Variants in FOXQ1 observed in about 807,000 individuals in gnomAD.
The protein encoded by FOXQ1 is forkhead box protein Q1.
Under a neutral mutation model 0.6 loss-of-function variants are expected in FOXQ1, and 1 was observed. The observed-to-expected ratio is 1.73, with a 90% confidence interval of 0.61 to 8.20. The LOEUF is 8.20. FOXQ1 is among the 30% of genes most tolerant of loss of function. FOXQ1 has a pLI of 0.13. For missense variants in FOXQ1, 734 were observed against 595.6 expected, an observed-to-expected ratio of 1.23 and a Z score of -2.42; for synonymous variants, 377 against 294.4, an observed-to-expected ratio of 1.28 and a Z score of -2.87.
chr6:1,313,066 C>G lies in FOXQ1; in HGVS notation c.362C>G (p.Pro121Arg), dbSNP rs373880105. Residue 121 changes from proline to arginine, a missense_variant, in exon 1 of 1, where the codon CCC (proline) becomes CGC (arginine). By Grantham distance (103) the Pro-to-Arg change is moderately radical. Transcript: ENST00000296839. This position sits in a 1 kb window ranked among gnomAD's most constrained non-coding sequence, Gnocchi z 5.2. ...SKPYTRRPKPPYSYIALIAMA... is the reference protein window; with the variant it reads ...SKPYTRRPKPRYSYIALIAMA... ...CCATATACGCGGCGGCCCAAGCCCC[C>G]CTACTCGTACATCGCGCTCATCGCC... is the stretch of plus-strand genomic sequence containing the variant. 154 of 1,603,738 alleles carry G rather than the reference C, an allele frequency of 9.6e-5. No homozygotes were observed. The highest frequency in any genetic ancestry group is 1.3e-4 in the Non-Finnish European group (151 of 1,175,428).
chr6:1,312,879 G>C lies in FOXQ1; in HGVS notation c.175G>C (p.Asp59His). The C allele has an allele frequency of 7.8e-7, 1 of 1,279,784 alleles. No homozygotes were observed. The highest frequency in any genetic ancestry group is 9.8e-7 in the Non-Finnish European group (1 of 1,016,186). 79.3% of individuals were successfully genotyped at this position (1,279,784 alleles called of 1,614,324 possible). ...NSPAAGGGAR[D>H]TQGDGEQSAG... ...CCCGGCCGCGGGCGGCGGCGCCAGA[G>C]ATACGCAGGGCGACGGCGAACAGAG... The change falls in exon 1 of 1, where the codon GAT becomes CAT. Residue 59 changes from aspartate to histidine, a missense_variant. Coordinates refer to ENST00000296839, the MANE Select transcript of FOXQ1 (RefSeq NM_033260.4).
chr6:1,313,704 C>A lies in FOXQ1; in HGVS notation c.1000C>A (p.Leu334Met). 1 of 1,064,650 alleles carries A rather than the reference C, an allele frequency of 9.4e-7. No homozygotes were observed. The highest frequency in any genetic ancestry group is 4.4e-5 in the South Asian group (1 of 22,898). 66.0% of individuals were successfully genotyped at this position (1,064,650 alleles called of 1,614,324 possible). ...CAYGAGEPAR[L>M]GAREAEVPPT... ...GTACGGCGCGGGCGAGCCGGCGCGG[C>A]TGGGCGCGCGCGAGGCCGAGGTGCC... Residue 334 changes from leucine to methionine, a missense_variant, in exon 1 of 1, where the codon CTG becomes ATG. Physicochemically the swap from Leu to Met is conservative, Grantham distance 15. Transcript: ENST00000296839. The surrounding 1 kb of genome is among the most constrained non-coding windows in gnomAD (Gnocchi z 5.2).
In FOXQ1 at chr6:1,313,649, GC is replaced by G; in HGVS notation, c.948del (p.Cys317AlafsTer86). 9.6e-7 allele frequency: 1 copy of G among 1,046,980 alleles called. No individual in the cohort carries two copies. Among genetic ancestry groups the G allele is most frequent in the African/African-American group, 1.7e-5 (1 of 57,860 alleles). The allele number at this position is 1,046,980 out of a possible 1,614,324, so 64.9% of individuals were successfully genotyped here. On this transcript the variant is annotated frameshift_variant, in exon 1 of 1. Coordinates refer to ENST00000296839, the MANE Select transcript of FOXQ1 (RefSeq NM_033260.4). LOFTEE classifies it low-confidence loss of function (END_TRUNC). The surrounding 1 kb of genome is among the most constrained non-coding windows in gnomAD (Gnocchi z 5.2). Reference sequence around the variant, plus strand: ...CGTTCCCCGCGCTCCTCCCCGCGGCGCCCTGCAGGGCCCTGCTGCCGCTCTG... The same window carrying G: ...CGTTCCCCGCGCTCCTCCCCGCGGCGCCTGCAGGGCCCTGCTGCCGCTCTG... Reference protein sequence around the residue: ...PAFPALLPAAPCRALLPLCAY... With the variant: ...PAFPALLPAAXCRALLPLCAY...
In FOXQ1 at chr6:1,312,245, A is replaced by T. The variant is rs985777583; in HGVS notation, c.-460A>T. Among the ~76,000 whole-genome samples the T allele has an allele frequency of 2.6e-5, 4 of 152,198 alleles. No homozygotes were observed. Among genetic ancestry groups the T allele is most frequent in the African/African-American group, 9.6e-5 (4 of 41,464 alleles). On this transcript the variant is annotated 5_prime_UTR_variant, in exon 1 of 1. Transcript: ENST00000296839. ...GACCTTCCCCCACGGTGGCACGCAC[A>T]TCATCCGGCACCATTTCCGTGCCCC...
chr6:1,313,184 C>T lies in FOXQ1; in HGVS notation c.480C>T (p.Tyr160=). 6 of 1,610,240 alleles carry T rather than the reference C, an allele frequency of 3.7e-6. No individual in the cohort carries two copies. The highest frequency in any genetic ancestry group is 5.1e-6 in the Non-Finnish European group (6 of 1,178,736). The stretch of plus-strand genomic sequence containing the variant: ...AGTTCCCCTTTTTCCGCGGCAGCTA[C>T]ACGGGCTGGCGCAACTCCGTGCGCC... ...MGKFPFFRGS[Y]TGWRNSVRHN... is the part of the protein sequence containing the mutation. The change falls in exon 1 of 1, where the codon TAC becomes TAT. Residue 160 remains tyrosine (Y), a synonymous_variant. Coordinates refer to ENST00000296839, the MANE Select transcript of FOXQ1 (RefSeq NM_033260.4). This position sits in a 1 kb window ranked among gnomAD's most constrained non-coding sequence, Gnocchi z 5.2.
chr6:1,313,444 C>T lies in FOXQ1; in HGVS notation c.740C>T (p.Ala247Val), dbSNP rs779031088. 6 of 1,024,092 alleles carry T rather than the reference C, an allele frequency of 5.9e-6. No individual in the cohort carries two copies. In the South Asian group the frequency reaches 1.2e-4, roughly 21 times the overall value. The allele number at this position is 1,024,092 out of a possible 1,614,324, so 63.4% of individuals were successfully genotyped here. The change falls in exon 1 of 1, where the codon GCC becomes GTC. Residue 247 changes from alanine (A) to valine (V), a missense_variant. Ala to Val is a moderately conservative substitution (Grantham distance 64). Transcript: ENST00000296839. The surrounding 1 kb of genome is among the most constrained non-coding windows in gnomAD (Gnocchi z 5.2). ...CCGCCGCCCGCGCCCGCCGCCCCGG[C>T]CTCGCCCCGCATGCGCTCGCCCGCC... ...AAPPPAPAAP[A>V]SPRMRSPARQ...
In FOXQ1 at chr6:1,314,592, AGTT is replaced by A. The variant is rs1201083602; in HGVS notation, c.*678_*680del. On this transcript the variant is annotated 3_prime_UTR_variant, in exon 1 of 1. Transcript: ENST00000296839. Reference sequence around the variant, plus strand: ...GGCCAAGCAATTTCTTTAAAGGAAAAGTTGATTATGTATGTGGGGTGCCAGGAC... The same window carrying A: ...GGCCAAGCAATTTCTTTAAAGGAAAAGATTATGTATGTGGGGTGCCAGGAC... The A allele has an allele frequency of 6.0e-6, 1 of 166,922 alleles. No individual in the cohort carries two copies. Among genetic ancestry groups the A allele is most frequent in the Non-Finnish European group, 1.5e-5 (1 of 68,118 alleles). 10.3% of individuals were successfully genotyped at this position (166,922 alleles called of 1,614,324 possible).
In FOXQ1 at chr6:1,313,892, C is replaced by G. The variant is rs1757597627; in HGVS notation, c.1188C>G (p.Tyr396Ter). 1.1e-5 allele frequency: 15 copies of G among 1,312,704 alleles called. No individual in the cohort carries two copies. The highest frequency in any genetic ancestry group is 1.3e-5 in the Non-Finnish European group (13 of 1,036,360). 81.3% of individuals were successfully genotyped at this position (1,312,704 alleles called of 1,614,324 possible). ...GCCGCCCTGGCCCGCACCTGCCGTA[C>G]CCGGTGGAGACGCTCCTAGCCTGAG... ...SVRRPGPHLP[Y>*]PVETLLA Residue 396 changes from tyrosine (Y) to a stop codon, truncating the protein, a stop_gained, in exon 1 of 1, where the codon TAC (tyrosine) becomes TAG (stop). Coordinates refer to ENST00000296839, the MANE Select transcript of FOXQ1 (RefSeq NM_033260.4). LOFTEE classifies it high-confidence loss of function. This position sits in a 1 kb window ranked among gnomAD's most constrained non-coding sequence, Gnocchi z 5.2.
rs1389868179 is a variant in FOXQ1 at position 1,313,441 on chromosome 6, C to G, written c.737C>G (p.Pro246Arg). Residue 246 changes from proline to arginine, a missense_variant, in exon 1 of 1, where the codon CCG (proline) becomes CGG (arginine). Coordinates refer to ENST00000296839, the MANE Select transcript of FOXQ1 (RefSeq NM_033260.4). The surrounding 1 kb of genome is among the most constrained non-coding windows in gnomAD (Gnocchi z 5.2). Reference sequence around the variant, plus strand: ...GCCCCGCCGCCCGCGCCCGCCGCCCCGGCCTCGCCCCGCATGCGCTCGCCC... The same window carrying G: ...GCCCCGCCGCCCGCGCCCGCCGCCCGGGCCTCGCCCCGCATGCGCTCGCCC... ...PAAPPPAPAA[P>R]ASPRMRSPAR... 9.9e-7 allele frequency: 1 copy of G among 1,007,726 alleles called. No individual in the cohort carries two copies. Among genetic ancestry groups the G allele is most frequent in the Non-Finnish European group, 1.2e-6 (1 of 848,048 alleles). 62.4% of individuals were successfully genotyped at this position (1,007,726 alleles called of 1,614,324 possible).
rs1757589569 is a variant in FOXQ1, at chr6:1,313,622, C to G, written c.918C>G (p.Pro306=). Residue 306 remains proline, a synonymous_variant, in exon 1 of 1, where the codon CCC becomes CCG. Coordinates refer to ENST00000296839, the MANE Select transcript of FOXQ1 (RefSeq NM_033260.4). This position sits in a 1 kb window ranked among gnomAD's most constrained non-coding sequence, Gnocchi z 5.2. ...GCGCCGCGCCCTGCCCGCCGCTGCCCGCGTTCCCCGCGCTCCTCCCCGCGG... is the reference window on the plus strand; with the variant it reads ...GCGCCGCGCCCTGCCCGCCGCTGCCGGCGTTCCCCGCGCTCCTCCCCGCGG... ...QWGAAPCPPL[P]AFPALLPAAP... 1 of 1,101,430 alleles carries G rather than the reference C, an allele frequency of 9.1e-7. No individual in the cohort carries two copies. The highest frequency in any genetic ancestry group is 1.1e-6 in the Non-Finnish European group (1 of 902,690). 68.2% of individuals were successfully genotyped at this position (1,101,430 alleles called of 1,614,324 possible).
Position 1,312,979 on chromosome 6 carries a change from A to G in FOXQ1, c.275A>G (p.Glu92Gly), listed in dbSNP as rs2113291381. 1 of 1,288,764 alleles carries G rather than the reference A, an allele frequency of 7.8e-7. No homozygotes were observed. The highest frequency in any genetic ancestry group is 9.8e-7 in the Non-Finnish European group (1 of 1,021,450). 79.8% of individuals were successfully genotyped at this position (1,288,764 alleles called of 1,614,324 possible). A position where few individuals can be genotyped will look rare whatever the true frequency, so the allele number is the denominator to read the frequency against. ...GCAGCGGTGGTGGCGGAGGGCGCGGAGGCCGGGGCGGCGGGGCCAGGCGCG... is the reference window on the plus strand; with the variant it reads ...GCAGCGGTGGTGGCGGAGGGCGCGGGGGCCGGGGCGGCGGGGCCAGGCGCG... ...AAAAVVAEGA[E>G]AGAAGPGAGG... The change falls in exon 1 of 1, where the codon GAG (glutamate) becomes GGG (glycine). Residue 92 changes from glutamate (E) to glycine (G), a missense_variant. By Grantham distance (98) the Glu-to-Gly change is moderately conservative (BLOSUM62 -2). Coordinates refer to ENST00000296839, the MANE Select transcript of FOXQ1 (RefSeq NM_033260.4).
rs1210189069 is a variant in FOXQ1 at position 1,313,733 on chromosome 6, G to A, written c.1029G>A (p.Pro343=). Residue 343 remains proline (P), a synonymous_variant, in exon 1 of 1, where the codon CCG becomes CCA. Transcript: ENST00000296839. The surrounding 1 kb of genome is among the most constrained non-coding windows in gnomAD (Gnocchi z 5.2). The part of the protein sequence containing the change: ...RLGAREAEVP[P]TAPPLLLAPL... ...GCGCGCGCGAGGCCGAGGTGCCACC[G>A]ACCGCGCCGCCCCTCCTGCTTGCAC... is the stretch of plus-strand genomic sequence containing the variant. 3.9e-5 allele frequency: 45 copies of A among 1,160,302 alleles called. No homozygotes were observed. Among genetic ancestry groups the A allele is most frequent in the Non-Finnish European group, 4.7e-5 (44 of 944,270 alleles). The allele number at this position is 1,160,302 out of a possible 1,614,324, so 71.9% of individuals were successfully genotyped here.
At position 1,314,728 on chromosome 6, in the gene FOXQ1, T is replaced by G. The variant is rs1047483038; in HGVS notation, c.*812T>G. The G allele has an allele frequency of 6.0e-6, 1 of 166,692 alleles. No individual in the cohort carries two copies. The highest frequency in any genetic ancestry group is 6.5e-5 in the Admixed American group (1 of 15,294). 10.3% of individuals were successfully genotyped at this position (166,692 alleles called of 1,614,324 possible). On this transcript the variant is annotated 3_prime_UTR_variant, in exon 1 of 1. Transcript: ENST00000296839. ...GAAACCCAAGCATAGTGCTTATTTT[T>G]TAATAAAACAACTGACTTAACACAT... is the stretch of plus-strand genomic sequence containing the variant.
In FOXQ1 at chr6:1,312,592, G is replaced by T; in HGVS notation, c.-113G>T. ...GAAGACCAGGGTAGAGCTCCCGGGA[G>T]AAAAAGGCGAAGATCCCCGGCCCCG... On this transcript the variant is annotated 5_prime_UTR_variant, in exon 1 of 1. Transcript: ENST00000296839. 1 of 1,246,896 alleles carries T rather than the reference G, an allele frequency of 8.0e-7. No individual in the cohort carries two copies. The highest frequency in any genetic ancestry group is 1.0e-6 in the Non-Finnish European group (1 of 995,892). 77.2% of individuals were successfully genotyped at this position (1,246,896 alleles called of 1,614,324 possible).
In FOXQ1 at chr6:1,313,379, C is replaced by A; in HGVS notation, c.675C>A (p.Pro225=). The A allele has an allele frequency of 7.0e-7, 1 of 1,424,402 alleles. No individual in the cohort carries two copies. The highest frequency in any genetic ancestry group is 9.2e-7 in the Non-Finnish European group (1 of 1,083,484). 88.2% of individuals were successfully genotyped at this position (1,424,402 alleles called of 1,614,324 possible). Residue 225 remains proline (P), a synonymous_variant, in exon 1 of 1, where the codon CCC becomes CCA. Transcript: ENST00000296839. The surrounding 1 kb of genome is among the most constrained non-coding windows in gnomAD (Gnocchi z 5.2). ...GCCACCGCGCGCCGGTCCCCGCGCCCGGGCTGCGGCCCGAGGAGGCCCCGG... is the reference window on the plus strand; with the variant it reads ...GCCACCGCGCGCCGGTCCCCGCGCCAGGGCTGCGGCCCGAGGAGGCCCCGG... ...RLSHRAPVPA[P]GLRPEEAPGL... is the part of the protein sequence containing the mutation.
rs372418080 is a variant in FOXQ1 at position 1,313,933 on chromosome 6, C to G, written c.*17C>G. 3.6e-5 allele frequency: 44 copies of G among 1,225,886 alleles called. No homozygotes were observed. The East Asian group carries it at 6.4e-4, about 18-fold the overall frequency. The allele number at this position is 1,225,886 out of a possible 1,614,324, so 75.9% of individuals were successfully genotyped here. ...CTAGCCTGAGTAGCGCCGCGGGGCC[C>G]GGGAACGCCGAGTGCGCGCCGTCGG... On this transcript the variant is annotated 3_prime_UTR_variant, in exon 1 of 1. Coordinates refer to ENST00000296839, the MANE Select transcript of FOXQ1 (RefSeq NM_033260.4). This position sits in a 1 kb window ranked among gnomAD's most constrained non-coding sequence, Gnocchi z 5.2.
rs567080207 is a variant in FOXQ1 at position 1,314,187 on chromosome 6, T to C, written c.*271T>C. On this transcript the variant is annotated 3_prime_UTR_variant, in exon 1 of 1. Transcript: ENST00000296839. Reference sequence around the variant, plus strand: ...CTCCTCCTTCCCTTCATAAGGACTTTTTTTGTCTTTCTTTAACGCCCAGGC... The same window carrying C: ...CTCCTCCTTCCCTTCATAAGGACTTCTTTTGTCTTTCTTTAACGCCCAGGC... 9.5e-4 allele frequency: 304 copies of C among 318,928 alleles called. 1 individual carries two copies. Among genetic ancestry groups the C allele is most frequent in the African/African-American group, 6.1e-3 (277 of 45,586 alleles). The allele number at this position is 318,928 out of a possible 1,614,324, so 19.8% of individuals were successfully genotyped here.
rs1281309637 is a variant in FOXQ1, at chr6:1,314,658, ATTATT to A, written c.*749_*753del. ...AGCAAGTGTGATTTTTATTTTTAAT[ATTATT>A]TTATTTGTGTCTGTGTACATATTCA... On this transcript the variant is annotated 3_prime_UTR_variant, in exon 1 of 1. Transcript: ENST00000296839. 2 of 166,802 alleles carry A rather than the reference ATTATT, an allele frequency of 1.2e-5. No individual in the cohort carries two copies. Among genetic ancestry groups the A allele is most frequent in the Non-Finnish European group, 1.5e-5 (1 of 68,102 alleles). The allele number at this position is 166,802 out of a possible 1,614,324, so 10.3% of individuals were successfully genotyped here. A position where few individuals can be genotyped will look rare whatever the true frequency, so the allele number is the denominator to read the frequency against.
Position 1,312,835 on chromosome 6 carries a change from G to C in FOXQ1, c.131G>C (p.Gly44Ala). The C allele has an allele frequency of 2.3e-6, 3 of 1,293,164 alleles. No homozygotes were observed. The highest frequency in any genetic ancestry group is 2.9e-6 in the Non-Finnish European group (3 of 1,022,602). The allele number at this position is 1,293,164 out of a possible 1,614,324, so 80.1% of individuals were successfully genotyped here. A position where few individuals can be genotyped will look rare whatever the true frequency, so the allele number is the denominator to read the frequency against. The change falls in exon 1 of 1, where the codon GGG (glycine) becomes GCG (alanine). Residue 44 changes from glycine to alanine, a missense_variant. By Grantham distance (60) the Gly-to-Ala change is moderately conservative (BLOSUM62 0). Transcript: ENST00000296839. ...GGAGACGACTCCCTGGGCTCAGATG[G>C]GGACTGCGCGGCCAACAGCCCGGCC... Reference protein sequence around the residue: ...AAGDDSLGSDGDCAANSPAAG... With the variant: ...AAGDDSLGSDADCAANSPAAG...
Sources: gnomAD v4.1 joint callset for allele counts (sites outside exome capture counted in the v4.1 genomes callset) on GRCh38, gnomAD v4.1.1 for gene constraint, Gnocchi (gnomAD v3.1) non-coding constraint, MANE v1.5 for transcripts, NCBI Gene and HGNC (gene_info 2026-07-23, HGNC 2026-07-21) for gene names.